Variants in RFNG observed in about 807,000 individuals in gnomAD.
RFNG encodes the protein RFNG O-fucosylpeptide 3-beta-N-acetylglucosaminyltransferase.
A neutral mutation model predicts 29.6 loss-of-function variants in RFNG; 37 were observed. The ratio of observed to expected loss-of-function variants is 1.25; its 90% CI spans 0.96 to 1.65. RFNG has a LOEUF of 1.65. Ranked by LOEUF, RFNG falls within the 40% of genes most tolerant of loss-of-function variation. The pLI is 0.00. For missense variants in RFNG, 546 were observed against 457.0 expected (o/e 1.19, Z -1.78); for synonymous variants, 276 against 197.3 (o/e 1.40, Z -3.34).
At chr17:82,050,312 C>T in intron 4 of RFNG, 90 bp downstream of exon 4, 2 of 1,442,878 alleles carry the variant, frequency 1.4e-6, no homozygotes, top group Non-Finnish European at 1.9e-6. Flanking sequence ...CTATGCCCTT[C>T]TCAAGCCAGC....
chr17:82,049,416 C>T (rs1161419368), intron 6 of RFNG: 2 of 700,732 alleles, frequency 2.9e-6, no homozygotes, highest in East Asian at 2.7e-5. Context: ...ACACCACACC[C>T]ACTGCCCAGC....
In RFNG at chr17:82,051,459, G is replaced by C; in HGVS notation, c.267+41C>G. ...GCCTAGACCCTGGGAGGCGGGGCGG[G>C]TGGGCGTGGGGCTCGCCGTCGGGGT... On this transcript the variant is annotated intron_variant, in intron 1 of 7. Transcript: ENST00000310496. The surrounding 1 kb of genome is among the most constrained non-coding windows in gnomAD (Gnocchi z 4.1). 1 of 1,343,654 alleles carries C rather than the reference G, an allele frequency of 7.4e-7. No homozygotes were observed. Among genetic ancestry groups the C allele is most frequent in the Non-Finnish European group, 9.6e-7 (1 of 1,045,136 alleles). The allele number at this position is 1,343,654 out of a possible 1,614,324, so 83.2% of individuals were successfully genotyped here.
chr17:82,049,099 C>T lies in RFNG; in HGVS notation c.846G>A (p.Gly282=). The T allele has an allele frequency of 1.2e-6, 2 of 1,613,440 alleles. No individual in the cohort carries two copies. Among genetic ancestry groups the T allele is most frequent in the Non-Finnish European group, 8.5e-7 (1 of 1,179,830 alleles). The change falls in exon 7 of 8, where the codon GGG becomes GGA. Residue 282 remains glycine, a synonymous_variant. Coordinates refer to ENST00000310496, the MANE Select transcript of RFNG (RefSeq NM_002917.2). ...TLLQQVTLSH[G]GPENPHNVVN... is the part of the protein sequence containing the mutation. ...CCACGTTATGTGGGTTCTCAGGACC[C>T]CCATGGCTCAAGGTAACCTGGGAGG...
chr17:82,050,792 C>T (rs370098294), intron 2 of RFNG, 28 bp from the exon 3 acceptor site: 79 of 1,606,470 alleles, frequency 4.9e-5, no homozygotes, highest in Non-Finnish European at 6.5e-5. Flanking sequence ...GAAGCACGCA[C>T]GTAGAGGATG....
In RFNG at chr17:82,049,906, A is replaced by AC; in HGVS notation, c.662+11dup. 6.2e-7 allele frequency: 1 copy of AC among 1,611,632 alleles called. No individual in the cohort carries two copies. The highest frequency in any genetic ancestry group is 8.5e-7 in the Non-Finnish European group (1 of 1,179,436). ...TCCGCCTCCCAGCCCGGGCAGCTGG[A>AC]CCCCCACTCACCTGGCCCATGGGCT... On this transcript the variant is annotated intron_variant, in intron 5 of 7. Transcript: ENST00000310496.
At chr17:82,050,863 G>T in intron 2 of RFNG, 99 bp from the exon 3 acceptor site, 1 of 1,446,520 alleles carries the variant, frequency 6.9e-7, no homozygotes, top group South Asian at 1.3e-5. Context: ...GCACAACGTG[G>T]CTGTCTGACA....
intron 7 of RFNG, 69 bp downstream of exon 7, chr17:82,048,962 G>A (rs541098958): frequency 4.1e-5 from 63 of 1,537,378 alleles, no homozygotes; most frequent in Admixed American, 2.8e-4. Context: ...GGTCAGGGCC[G>A]TGGGTAGAGG....
At chr17:82,050,580 A>G in intron 3 of RFNG, 25 bp from the exon 4 acceptor site, 1 of 1,609,020 alleles carries the variant, frequency 6.2e-7, no homozygotes, top group Non-Finnish European at 8.5e-7. Context: ...AGTCCTGGGC[A>G]CGAGGGCCTG....
In RFNG at chr17:82,048,034, G is replaced by A. The variant is rs891946875; in HGVS notation, c.*692C>T. 3 of 152,402 alleles carry A rather than the reference G, an allele frequency of 2.0e-5. No individual in the cohort carries two copies. The highest frequency in any genetic ancestry group is 7.2e-5 in the African/African-American group (3 of 41,434). 9.4% of individuals were successfully genotyped at this position (152,402 alleles called of 1,614,324 possible). A position where few individuals can be genotyped will look rare whatever the true frequency, so the allele number is the denominator to read the frequency against. ...GAGGTGGGTCTGCTGGGATGGGCAGGTCAGCGGAACAAAAGGCTCCTGTTG... is the reference window on the plus strand; with the variant it reads ...GAGGTGGGTCTGCTGGGATGGGCAGATCAGCGGAACAAAAGGCTCCTGTTG... On this transcript the variant is annotated 3_prime_UTR_variant, in exon 8 of 8. Transcript: ENST00000310496.
chr17:82,049,598 G>T, intron 6 of RFNG, 79 bp downstream of exon 6: 1 of 1,439,692 alleles, frequency 6.9e-7, no homozygotes, highest in Non-Finnish European at 9.3e-7. Flanking sequence ...CGGGCATCGG[G>T]CCGGGGCAGT....
chr17:82,050,264 T>C (rs944571313), intron 4 of RFNG, 138 bp downstream of exon 4: 47 of 1,098,808 alleles, frequency 4.3e-5, no homozygotes, highest in Admixed American at 5.5e-5. Context: ...AAACACCACA[T>C]GCAAACCACC....
At chr17:82,049,345 T>A in intron 6 of RFNG, 1 of 699,676 alleles carries the variant, frequency 1.4e-6, no homozygotes. Flanking sequence ...AGGGCAAAGC[T>A]GACCCTCATT....
At chr17:82,049,004 G>C in intron 7 of RFNG, 27 bp downstream of exon 7, 1 of 1,609,502 alleles carries the variant, frequency 6.2e-7, no homozygotes, top group Non-Finnish European at 8.5e-7. Context: ...CGGGGCCGAG[G>C]GCCTGCCCAT....
chr17:82,049,719 C>T lies in RFNG; in HGVS notation c.786G>A (p.Leu262=). The change falls in exon 6 of 8, where the codon CTG becomes CTA. Residue 262 remains leucine, a synonymous_variant. Coordinates refer to ENST00000310496, the MANE Select transcript of RFNG (RefSeq NM_002917.2). ...LLHSPLFHSH[L]ENLQRLPPDT... Reference sequence around the variant, plus strand: ...CGGGCGGCAGCCTCTGCAGGTTCTCCAGGTGAGAGTGGAAGAGGGGGCTGT... The same window carrying T: ...CGGGCGGCAGCCTCTGCAGGTTCTCTAGGTGAGAGTGGAAGAGGGGGCTGT... 1 of 1,507,776 alleles carries T rather than the reference C, an allele frequency of 6.6e-7. No individual in the cohort carries two copies. The highest frequency in any genetic ancestry group is 8.8e-7 in the Non-Finnish European group (1 of 1,130,964). The allele number at this position is 1,507,776 out of a possible 1,614,324, so 93.4% of individuals were successfully genotyped here.
chr17:82,051,524 G>T lies in RFNG; in HGVS notation c.243C>A (p.Thr81=). 2 of 1,399,420 alleles carry T rather than the reference G, an allele frequency of 1.4e-6. No homozygotes were observed. Among genetic ancestry groups the T allele is most frequent in the African/African-American group, 1.5e-5 (1 of 65,960 alleles). The allele number at this position is 1,399,420 out of a possible 1,614,324, so 86.7% of individuals were successfully genotyped here. The change falls in exon 1 of 8, where the codon ACC becomes ACA. Residue 81 remains threonine, a synonymous_variant. Coordinates refer to ENST00000310496, the MANE Select transcript of RFNG (RefSeq NM_002917.2). The surrounding 1 kb of genome is among the most constrained non-coding windows in gnomAD (Gnocchi z 4.1). ...HGPRLRLLLR[T]WISRARQQTF... is the part of the protein sequence containing the mutation. ...CCTGCTGGCGGGCCCGGGAGATCCA[G>T]GTGCGCAGCAGCAGCCGCAGGCGCG...
rs560366083 is a variant in RFNG, at chr17:82,051,756, G to A, written c.11C>T (p.Ala4Val). The change falls in exon 1 of 8, where the codon GCG (alanine) becomes GTG (valine). Residue 4 changes from alanine to valine, a missense_variant. Ala to Val is a moderately conservative substitution (Grantham distance 64). Coordinates refer to ENST00000310496, the MANE Select transcript of RFNG (RefSeq NM_002917.2). The surrounding 1 kb of genome is among the most constrained non-coding windows in gnomAD (Gnocchi z 4.1). ...GCAGGCCCGGCACAGCGCCCCACGCGCGCGGCTCATGCGGCCGCCGGGACC... is the reference window on the plus strand; with the variant it reads ...GCAGGCCCGGCACAGCGCCCCACGCACGCGGCTCATGCGGCCGCCGGGACC... MSR[A>V]RGALCRACLA... 2 of 1,089,386 alleles carry A rather than the reference G, an allele frequency of 1.8e-6. No homozygotes were observed. Among genetic ancestry groups the A allele is most frequent in the Admixed American group, 5.3e-5 (1 of 18,870 alleles). 67.5% of individuals were successfully genotyped at this position (1,089,386 alleles called of 1,614,324 possible).
chr17:82,051,738 C>T lies in RFNG; in HGVS notation c.29G>A (p.Arg10Gln). MSRARGALC[R>Q]ACLALAAALA... Reference sequence around the variant, plus strand: ...GGCCGCGGCCAGCGCGAGGCAGGCCCGGCACAGCGCCCCACGCGCGCGGCT... The same window carrying T: ...GGCCGCGGCCAGCGCGAGGCAGGCCTGGCACAGCGCCCCACGCGCGCGGCT... The change falls in exon 1 of 8, where the codon CGG (arginine) becomes CAG (glutamine). Residue 10 changes from arginine to glutamine, a missense_variant. Physicochemically the swap from Arg to Gln is conservative, Grantham distance 43 (BLOSUM62 1). Transcript: ENST00000310496. This position sits in a 1 kb window ranked among gnomAD's most constrained non-coding sequence, Gnocchi z 4.1. 9.3e-7 allele frequency: 1 copy of T among 1,071,176 alleles called. No individual in the cohort carries two copies. The highest frequency in any genetic ancestry group is 1.1e-6 in the Non-Finnish European group (1 of 887,082). 66.4% of individuals were successfully genotyped at this position (1,071,176 alleles called of 1,614,324 possible).
In RFNG at chr17:82,051,548, C is replaced by A; in HGVS notation, c.219G>T (p.Pro73=). ...AVKTTRKNHG[P]RLRLLLRTWI... Reference sequence around the variant, plus strand: ...AGGTGCGCAGCAGCAGCCGCAGGCGCGGCCCGTGGTTCTTCCGGGTGGTCT... The same window carrying A: ...AGGTGCGCAGCAGCAGCCGCAGGCGAGGCCCGTGGTTCTTCCGGGTGGTCT... Residue 73 remains proline, a synonymous_variant, in exon 1 of 8, where the codon CCG becomes CCT. Transcript: ENST00000310496. This position sits in a 1 kb window ranked among gnomAD's most constrained non-coding sequence, Gnocchi z 4.1. The A allele has an allele frequency of 3.6e-6, 5 of 1,396,952 alleles. No homozygotes were observed. The highest frequency in any genetic ancestry group is 4.7e-6 in the Non-Finnish European group (5 of 1,070,940). The allele number at this position is 1,396,952 out of a possible 1,614,324, so 86.5% of individuals were successfully genotyped here.
chr17:82,050,846 G>A (rs1474440001), intron 2 of RFNG, 82 bp from the exon 3 acceptor site: 2 of 1,495,536 alleles, frequency 1.3e-6, no homozygotes, highest in Non-Finnish European at 1.8e-6. Context: ...TGCCCCCAAG[G>A]GCCAGGGCAC....
Sources: allele counts gnomAD v4.1 joint callset, GRCh38; gene constraint gnomAD v4.1.1; non-coding constraint Gnocchi (gnomAD v3.1); transcripts MANE v1.5; gene names NCBI Gene and HGNC (gene_info 2026-07-23, HGNC 2026-07-21).